UBR3: variants seen among roughly 807,000 people sequenced by gnomAD.
UBR3 encodes the protein E3 ubiquitin-protein ligase UBR3.
Under a neutral mutation model 243.2 loss-of-function variants are expected in UBR3, and 85 were observed. That is an observed-to-expected ratio of 0.35 (90% confidence interval 0.29 to 0.42). UBR3 has a LOEUF of 0.42. Ranked by LOEUF, UBR3 falls within the 10% of genes least tolerant of loss-of-function variation. The probability of loss-of-function intolerance (pLI) is 1.00; values close to 1 mark genes in which losing one functional copy is unlikely to be tolerated. For synonymous variants in UBR3, 748 were observed against 799.8 expected, an observed-to-expected ratio of 0.94 and a Z score of 1.09; for missense variants, 1,686 against 2,300.8, an observed-to-expected ratio of 0.73 and a Z score of 5.47.
At chr2:169,857,988 G>A (rs2082949890) in intron 1 of UBR3, among the ~76,000 whole-genome samples, 1 of 152,184 alleles carries the variant, frequency 6.6e-6, no homozygotes, top group South Asian at 2.1e-4. Context: ...TAGTGTTATT[G>A]TCAATTAGCT....
At chr2:169,869,833 G>T (rs1001985887) in intron 1 of UBR3, among the ~76,000 whole-genome samples, 4 of 152,122 alleles carry the variant, frequency 2.6e-5, no homozygotes, top group Non-Finnish European at 5.9e-5. Context: ...AATTGTTCAT[G>T]ACCTTGCTTG....
chr2:169,836,431 G>A (rs1361134621), intron 1 of UBR3, among the ~76,000 whole-genome samples: 1 of 151,606 alleles, frequency 6.6e-6, no homozygotes, highest in African/African-American at 2.4e-5. Context: ...GAAACTTGGT[G>A]TTAATGAGAA....
intron 1 of UBR3, among the ~76,000 whole-genome samples, chr2:169,864,838 C>A (rs1392759847): frequency 7.0e-6 from 1 of 143,432 alleles, no homozygotes; most frequent in African/African-American, 2.6e-5. Flanking sequence ...ACCTGGGAGG[C>A]GGAGCTTGCA....
At chr2:170,031,222 G>T (rs1009587287) in intron 31 of UBR3, among the ~76,000 whole-genome samples, 1 of 151,936 alleles carries the variant, frequency 6.6e-6, no homozygotes, top group Non-Finnish European at 1.5e-5. Context: ...TAGGATTACC[G>T]GTGCGCACCA....
chr2:170,033,679 A>G (rs2090745688), intron 31 of UBR3, among the ~76,000 whole-genome samples: 1 of 142,352 alleles, frequency 7.0e-6, no homozygotes, highest in Non-Finnish European at 1.5e-5. Flanking sequence ...TATATTTCAT[A>G]TTTATATATT....
intron 33 of UBR3, among the ~76,000 whole-genome samples, chr2:170,056,697 C>A (rs1279398478): frequency 1.3e-5 from 2 of 152,068 alleles, no homozygotes; most frequent in Non-Finnish European, 2.9e-5. Context: ...GGAGAGAAAA[C>A]CAATTATAAA....
intron 33 of UBR3, among the ~76,000 whole-genome samples, chr2:170,057,866 C>T (rs1001556154): frequency 5.3e-5 from 8 of 152,004 alleles, no homozygotes; most frequent in South Asian, 2.1e-4. Flanking sequence ...TTAAAAATTA[C>T]GATAGTCTGT....
At chr2:170,069,701 T>A (rs983923308) in intron 35 of UBR3, among the ~76,000 whole-genome samples, 1 of 149,004 alleles carries the variant, frequency 6.7e-6, no homozygotes, top group Non-Finnish European at 1.5e-5. Flanking sequence ...TCATTTAACA[T>A]AATGTCCTTC....
rs2091919970 is a variant in UBR3, at chr2:170,082,271, CTTGTG to C, written c.*432_*436del. On this transcript the variant is annotated 3_prime_UTR_variant, in exon 39 of 39. Coordinates refer to ENST00000272793, the MANE Select transcript of UBR3 (RefSeq NM_172070.4). ...AATGCATCTTTTTTCCTCTGCCATT[CTTGTG>C]TTGATTGGAGAATTTTTCTGTATGT... The C allele has an allele frequency of 6.5e-6, 1 of 153,516 alleles. No homozygotes were observed. Among genetic ancestry groups the C allele is most frequent in the Admixed American group, 6.5e-5 (1 of 15,278 alleles). 9.5% of individuals were successfully genotyped at this position (153,516 alleles called of 1,614,324 possible).
chr2:169,911,407 C>A (rs1166704985), intron 10 of UBR3, among the ~76,000 whole-genome samples: 3 of 152,078 alleles, frequency 2.0e-5, no homozygotes, highest in East Asian at 1.9e-4. Context: ...TTTCACTTGC[C>A]TCTTCAGAAC....
chr2:169,856,704 C>T (rs10190260), intron 1 of UBR3, among the ~76,000 whole-genome samples: 36,815 of 151,964 alleles, frequency 0.24, 4,634 homozygotes, highest in South Asian at 0.41. Context: ...TGGCGGCGCG[C>T]GCCTGCAATC....
intron 6 of UBR3, among the ~76,000 whole-genome samples, chr2:169,894,533 C>T (rs1448792719): frequency 2.0e-5 from 3 of 151,768 alleles, no homozygotes; most frequent in Non-Finnish European, 2.9e-5. Context: ...GAAAAAACTG[C>T]GTTAAAGTTA....
Position 169,948,008 on chromosome 2 carries a change from A to G in UBR3, c.3084+293A>G, listed in dbSNP as rs1177143641. ...TGGAAATGGGGAAAAACCGCTTTGA[A>G]GTATTTGTGTGTGTATGGGTGTTTA... On this transcript the variant is annotated intron_variant, in intron 22 of 38. Transcript: ENST00000272793. 13 of 904,062 alleles carry G rather than the reference A, an allele frequency of 1.4e-5. No individual in the cohort carries two copies. The Admixed American group carries it at 5.6e-4, about 39-fold the overall frequency. 56.0% of individuals were successfully genotyped at this position (904,062 alleles called of 1,614,324 possible).
At chr2:170,065,252 G>A (rs2091536997) in intron 35 of UBR3, among the ~76,000 whole-genome samples, 1 of 151,978 alleles carries the variant, frequency 6.6e-6, no homozygotes, top group African/African-American at 2.4e-5. Context: ...ATTGAACGTG[G>A]TTTATACATT....
intron 37 of UBR3, 58 bp from the exon 38 acceptor site, chr2:170,080,487 A>AT: frequency 6.8e-7 from 1 of 1,465,934 alleles, no homozygotes; most frequent in Non-Finnish European, 9.1e-7. Context: ...TATATTCTTG[A>AT]TTTTATTATA....
intron 23 of UBR3, among the ~76,000 whole-genome samples, chr2:169,952,579 C>CAGCTACT (rs1399185368): frequency 6.6e-6 from 1 of 152,048 alleles, no homozygotes; most frequent in Non-Finnish European, 1.5e-5. Flanking sequence ...CCTGTAGTCC[C>CAGCTACT]AGCTACTAGG....
intron 1 of UBR3, among the ~76,000 whole-genome samples, chr2:169,860,519 G>A (rs998699656): frequency 1.6e-4 from 24 of 152,168 alleles, no homozygotes. Context: ...TGTTTAAGAT[G>A]AGGGAGTAAA....
rs1199148004 is a variant in UBR3, at chr2:169,873,176, A to G, written c.685+801A>G. On this transcript the variant is annotated intron_variant, in intron 2 of 38. Coordinates refer to ENST00000272793, the MANE Select transcript of UBR3 (RefSeq NM_172070.4). The stretch of plus-strand genomic sequence containing the variant: ...TAGTACTATAAATAATTTTATATTC[A>G]TTTTGAAACTGTGGCACACATTTTC... 2.6e-5 allele frequency among the ~76,000 whole-genome samples: 4 copies of G among 152,246 alleles called. No homozygotes were observed. In the East Asian group the frequency reaches 7.7e-4, roughly 29 times the overall value.
intron 18 of UBR3, among the ~76,000 whole-genome samples, chr2:169,929,453 G>C (rs1009472274): frequency 1.3e-5 from 2 of 152,096 alleles, no homozygotes; most frequent in Admixed American, 1.3e-4. Context: ...GCAGGTGCCT[G>C]TAATCCCAGC....
Sources: allele counts gnomAD v4.1 joint callset (sites outside exome capture counted in the v4.1 genomes callset), GRCh38; gene constraint gnomAD v4.1.1; transcripts MANE v1.5; gene names NCBI Gene and HGNC (gene_info 2026-07-23, HGNC 2026-07-21).